Variants in FHOD3 observed in about 807,000 individuals in gnomAD.
FHOD3 encodes the protein FH1/FH2 domain-containing protein 3.
In FHOD3, 90 loss-of-function variants were observed where a neutral mutation model predicts 173.0. That is an observed-to-expected ratio of 0.52 (90% CI 0.44 to 0.62). The LOEUF is 0.62. FHOD3 is among the 20% of genes least tolerant of loss of function. The pLI is 0.00. For missense variants in FHOD3, 1,945 were observed against 2,034.7 expected, an observed-to-expected ratio of 0.96 and a Z score of 0.85; for synonymous variants, 828 against 823.0, an observed-to-expected ratio of 1.01 and a Z score of -0.10.
At chr18:36,725,317 A>G (rs1409068537) in intron 19 of FHOD3, among the ~76,000 whole-genome samples, 1 of 152,200 alleles carries the variant, frequency 6.6e-6, no homozygotes, top group Admixed American at 6.5e-5. Flanking sequence ...CTCCAGAGGT[A>G]TGCATTTTTT....
At chr18:36,586,271 C>T (rs1425787514) in intron 6 of FHOD3, among the ~76,000 whole-genome samples, 1 of 152,126 alleles carries the variant, frequency 6.6e-6, no homozygotes, top group Admixed American at 6.5e-5. Flanking sequence ...TAACTTCTTC[C>T]AGAAATGGGC....
intron 3 of FHOD3, among the ~76,000 whole-genome samples, chr18:36,425,598 C>G (rs1440400047): frequency 6.6e-6 from 1 of 152,018 alleles, no homozygotes; most frequent in African/African-American, 2.4e-5. Flanking sequence ...AAAGAGACCC[C>G]AACAGTGGCG....
At chr18:36,560,842 G>GT (rs1318480145) in intron 5 of FHOD3, among the ~76,000 whole-genome samples, 13,742 of 127,388 alleles carry the variant, frequency 0.11, 720 homozygotes, top group South Asian at 0.22. Flanking sequence ...TTTTTTTTCT[G>GT]TTTTTTTTTT....
chr18:36,381,080 C>T (rs1278561625), intron 3 of FHOD3, among the ~76,000 whole-genome samples: 1 of 152,220 alleles, frequency 6.6e-6, no homozygotes, highest in Non-Finnish European at 1.5e-5. Flanking sequence ...TAGCCCTTCT[C>T]TACAGATACA....
chr18:36,355,664 C>T lies in FHOD3; in HGVS notation c.272+19C>T, dbSNP rs2046325424. Reference sequence around the variant, plus strand: ...ACGCCGGGTAAGAGCAACTGTTCACCCTGCTGACTGGTCCCCACCTACCAG... The same window carrying T: ...ACGCCGGGTAAGAGCAACTGTTCACTCTGCTGACTGGTCCCCACCTACCAG... On this transcript the variant is annotated intron_variant, in intron 2 of 28. Coordinates refer to ENST00000590592, the MANE Select transcript of FHOD3 (RefSeq NM_001281740.3). The T allele has an allele frequency of 1.2e-6, 2 of 1,604,084 alleles. No individual in the cohort carries two copies. Among genetic ancestry groups the T allele is most frequent in the African/African-American group, 2.7e-5 (2 of 74,806 alleles).
chr18:36,516,989 A>AT (rs373070220), intron 5 of FHOD3, among the ~76,000 whole-genome samples: 13,138 of 144,178 alleles, frequency 0.091, 700 homozygotes, highest in South Asian at 0.23. Flanking sequence ...CCCTCTCAGC[A>AT]TTTTTTTTTT....
intron 1 of FHOD3, among the ~76,000 whole-genome samples, chr18:36,329,055 T>C (rs544747017): frequency 1.3e-5 from 2 of 152,138 alleles, no homozygotes; most frequent in South Asian, 4.2e-4. Flanking sequence ...AGAGAAAGTG[T>C]GGGAAAGATT....
At chr18:36,631,127 T>C (rs1219164092) in intron 10 of FHOD3, among the ~76,000 whole-genome samples, 1 of 152,090 alleles carries the variant, frequency 6.6e-6, no homozygotes, top group Non-Finnish European at 1.5e-5. Flanking sequence ...CAGGGAGAAG[T>C]CTGGCAGGGG....
chr18:36,722,833 C>T (rs889961647), intron 19 of FHOD3, among the ~76,000 whole-genome samples: 1 of 152,200 alleles, frequency 6.6e-6, no homozygotes, highest in African/African-American at 2.4e-5. Flanking sequence ...CTGTGTTCCC[C>T]ACCACCACTC....
At chr18:36,506,344 A>G (rs762192515) in intron 4 of FHOD3, among the ~76,000 whole-genome samples, 2 of 152,248 alleles carry the variant, frequency 1.3e-5, no homozygotes, top group Non-Finnish European at 2.9e-5. Flanking sequence ...CATGAAGGAT[A>G]TACTACTGCC....
rs1434329257 is a variant in FHOD3 at position 36,717,962 on chromosome 18, G to T, written c.2664G>T (p.Gly888=). Residue 888 remains glycine (G), a synonymous_variant, in exon 19 of 29, where the codon GGG becomes GGT. Transcript: ENST00000590592. ...AGTCTCCGGATGATGAGGAGAAGGG[G>T]GATGGGGAGGCTGGGAGGACCCAGC... The part of the protein sequence containing the change: ...NRKSPDDEEK[G]DGEAGRTQQE... The T allele has an allele frequency of 6.2e-7, 1 of 1,614,064 alleles. No homozygotes were observed. The highest frequency in any genetic ancestry group is 8.5e-7 in the Non-Finnish European group (1 of 1,179,986).
intron 9 of FHOD3, among the ~76,000 whole-genome samples, chr18:36,615,832 T>G (rs2033145419): frequency 6.6e-6 from 1 of 152,226 alleles, no homozygotes; most frequent in African/African-American, 2.4e-5. Flanking sequence ...CACTATTTTC[T>G]ATAAGTTACT....
At chr18:36,545,120 ATC>A (rs1230677357) in intron 5 of FHOD3, among the ~76,000 whole-genome samples, 2 of 151,940 alleles carry the variant, frequency 1.3e-5, no homozygotes, top group African/African-American at 4.8e-5. Context: ...CTCCTTCTTT[ATC>A]TCTCCCCCTC....
rs1600117065 is a variant in FHOD3 at position 36,658,075 on chromosome 18, A to G, written c.1722A>G (p.Arg574=). 6.2e-7 allele frequency: 1 copy of G among 1,605,652 alleles called. No homozygotes were observed. Among genetic ancestry groups the G allele is most frequent in the Non-Finnish European group, 8.5e-7 (1 of 1,175,752 alleles). The change falls in exon 14 of 29, where the codon AGA becomes AGG. Residue 574 remains arginine, a splice_region_variant and synonymous_variant. Coordinates refer to ENST00000590592, the MANE Select transcript of FHOD3 (RefSeq NM_001281740.3). ...PYHFRSFSSN[R]YSNFGNNSYH... is the part of the protein sequence containing the mutation. ...CAACTTAAACCTCTGCACTTCTTAG[A>G]TACAGCAATTTTGGCAATAACTCTT...
rs544059271 is a variant in FHOD3, at chr18:36,384,040, A to T, written c.337+11296A>T. ...CTGAGAAGCAGTGTGACCTTGGAAA[A>T]GTGACCTCACTGCTCTGACTTCAGT... On this transcript the variant is annotated intron_variant, in intron 3 of 28. Transcript: ENST00000590592. Among the ~76,000 whole-genome samples, 6 of 152,306 alleles carry T rather than the reference A, an allele frequency of 3.9e-5. 1 individual carries two copies. The South Asian group carries it at 1.2e-3, about 32-fold the overall frequency.
chr18:36,672,543 TC>T (rs1430037261), intron 14 of FHOD3, among the ~76,000 whole-genome samples: 1 of 152,186 alleles, frequency 6.6e-6, no homozygotes, highest in Non-Finnish European at 1.5e-5. Context: ...GGTGTAGGGT[TC>T]CCAAGGGCAA....
intron 3 of FHOD3, among the ~76,000 whole-genome samples, chr18:36,486,862 C>T (rs1017476584): frequency 6.6e-6 from 1 of 152,230 alleles, no homozygotes; most frequent in African/African-American, 2.4e-5. Flanking sequence ...CACTATAGAT[C>T]AGATTTGTCT....
intron 16 of FHOD3, among the ~76,000 whole-genome samples, chr18:36,689,010 G>T (rs938098513): frequency 1.3e-5 from 2 of 152,172 alleles, no homozygotes; most frequent in Non-Finnish European, 2.9e-5. Context: ...CCCACTGTGG[G>T]ATTCTTCCCT....
Position 36,677,009 on chromosome 18 carries a change from A to C in FHOD3, c.1836-4427A>C, listed in dbSNP as rs1210852564. Among the ~76,000 whole-genome samples, 3 of 152,300 alleles carry C rather than the reference A, an allele frequency of 2.0e-5. No homozygotes were observed. The East Asian group carries it at 5.8e-4, about 29-fold the overall frequency. ...ACAAATTTTAAATTTTAATATATGC[A>C]AATTTATCAAATCTTTCCTTTTTGG... On this transcript the variant is annotated intron_variant, in intron 14 of 28. Coordinates refer to ENST00000590592, the MANE Select transcript of FHOD3 (RefSeq NM_001281740.3).
Sources: gnomAD v4.1 joint callset for allele counts (sites outside exome capture counted in the v4.1 genomes callset) on GRCh38, gnomAD v4.1.1 for gene constraint, MANE v1.5 for transcripts, NCBI Gene and HGNC (gene_info 2026-07-23, HGNC 2026-07-21) for gene names.